The following MDFIC2 variants were observed in gnomAD, a reference collection of about 807,000 sequenced individuals.
MDFIC2 encodes the protein myoD family inhibitor domain-containing protein 2.
At chr3:70,294,416 G>A (rs943925041) in intron 2 of MDFIC2, among the ~76,000 whole-genome samples, 13 of 151,996 alleles carry the variant, frequency 8.6e-5, no homozygotes, top group African/African-American at 2.2e-4. Flanking sequence ...CTGTAGGTAC[G>A]TAGGAGAATA....
chr3:70,214,602 G>A (rs1408301222), intron 2 of MDFIC2, among the ~76,000 whole-genome samples: 1 of 66,756 alleles, frequency 1.5e-5, no homozygotes, highest in Non-Finnish European at 2.8e-5. Flanking sequence ...GGGGGCTGAA[G>A]TGGGCTTTTT....
At chr3:70,257,128 G>A (rs1345303776) in intron 2 of MDFIC2, among the ~76,000 whole-genome samples, 1 of 152,192 alleles carries the variant, frequency 6.6e-6, no homozygotes, top group African/African-American at 2.4e-5. Flanking sequence ...TACTTTTCTA[G>A]AAAATGATTT....
At chr3:70,300,802 C>T (rs561294859) in intron 2 of MDFIC2, among the ~76,000 whole-genome samples, 27 of 152,034 alleles carry the variant, frequency 1.8e-4, no homozygotes, top group Admixed American at 5.9e-4. Context: ...TTTTAATTAA[C>T]GGATGTCAGC....
intron 2 of MDFIC2, among the ~76,000 whole-genome samples, chr3:70,289,751 G>A (rs1485120910): frequency 2.0e-5 from 3 of 152,130 alleles, no homozygotes; most frequent in Non-Finnish European, 2.9e-5. Context: ...TGGAGGGTTT[G>A]CTCGTTTCTT....
rs551195456 is a variant in MDFIC2 at position 70,230,278 on chromosome 3, A to G, written c.89-23488T>C. Reference sequence around the variant, plus strand: ...AACATAGTTTAACACCACCCAATGCAGTTCCCTTCATTCTGTAGACAAACA... The same window carrying G: ...AACATAGTTTAACACCACCCAATGCGGTTCCCTTCATTCTGTAGACAAACA... On this transcript the variant is annotated intron_variant, in intron 2 of 3. Transcript: ENST00000567252. Among the ~76,000 whole-genome samples the G allele has an allele frequency of 5.3e-5, 8 of 152,332 alleles. No homozygotes were observed. In the South Asian group the frequency reaches 1.7e-3, roughly 32 times the overall value.
intron 2 of MDFIC2, among the ~76,000 whole-genome samples, chr3:70,243,662 CA>C (rs1701680781): frequency 6.6e-6 from 1 of 152,170 alleles, no homozygotes. Flanking sequence ...TCGATGCCAG[CA>C]GCACCTTCTC....
At chr3:70,221,071 G>T (rs1701457147) in intron 2 of MDFIC2, among the ~76,000 whole-genome samples, 1 of 152,096 alleles carries the variant, frequency 6.6e-6, no homozygotes, top group Admixed American at 6.6e-5. Flanking sequence ...ACAATAACTA[G>T]CACTGGTGAA....
At chr3:70,234,177 T>C (rs1032616788) in intron 2 of MDFIC2, among the ~76,000 whole-genome samples, 10 of 152,204 alleles carry the variant, frequency 6.6e-5, no homozygotes, top group African/African-American at 1.9e-4. Flanking sequence ...GACTTAGGAT[T>C]GGGTATGAGA....
chr3:70,237,975 G>GTTT, intron 2 of MDFIC2, among the ~76,000 whole-genome samples: 1 of 22,136 alleles, frequency 4.5e-5, no homozygotes, highest in South Asian at 1.2e-3. Context: ...TAATTGAGTG[G>GTTT]TATCTTTTTT....
intron 2 of MDFIC2, among the ~76,000 whole-genome samples, chr3:70,217,763 G>A (rs1352693263): frequency 6.6e-6 from 1 of 152,088 alleles, no homozygotes; most frequent in Admixed American, 6.6e-5. Context: ...AATTAGTGTT[G>A]AAAAATACTT....
chr3:70,214,211 G>A (rs1701382447), intron 2 of MDFIC2, among the ~76,000 whole-genome samples: 1 of 152,022 alleles, frequency 6.6e-6, no homozygotes, highest in Non-Finnish European at 1.5e-5. Context: ...ACATATATTT[G>A]ACATTTTTTC....
intron 2 of MDFIC2, among the ~76,000 whole-genome samples, chr3:70,232,405 T>C (rs1350909557): frequency 1.3e-5 from 1 of 75,414 alleles, no homozygotes; most frequent in Non-Finnish European, 3.3e-5. Flanking sequence ...GATGTTCCTA[T>C]TTTTTTTTTT....
chr3:70,249,164 A>G (rs540861636), intron 2 of MDFIC2: 15 of 152,294 alleles, frequency 9.8e-5, no homozygotes, highest in African/African-American at 3.4e-4. Context: ...ACCAAGTTCT[A>G]CATTAGGAAC....
chr3:70,271,955 GT>G, intron 2 of MDFIC2: 1 of 152,182 alleles, frequency 6.6e-6, no homozygotes, highest in Non-Finnish European at 1.5e-5. Flanking sequence ...TAGAGACAAC[GT>G]TTCATCATGT....
At chr3:70,272,902 G>A (rs889694712) in intron 2 of MDFIC2, among the ~76,000 whole-genome samples, 2 of 152,220 alleles carry the variant, frequency 1.3e-5, no homozygotes, top group Admixed American at 1.3e-4. Flanking sequence ...ATTCTAAGGA[G>A]ACAGCTAGCA....
intron 2 of MDFIC2, among the ~76,000 whole-genome samples, chr3:70,242,266 G>A (rs1481913917): frequency 5.3e-5 from 8 of 152,122 alleles, no homozygotes; most frequent in African/African-American, 1.9e-4. Flanking sequence ...CTAAAATCAA[G>A]TTGGCTCTGA....
At chr3:70,235,111 C>A (rs1251740913) in intron 2 of MDFIC2, among the ~76,000 whole-genome samples, 1 of 152,082 alleles carries the variant, frequency 6.6e-6, no homozygotes, top group Non-Finnish European at 1.5e-5. Flanking sequence ...TTTTTCCAAC[C>A]TCTATTGGAG....
At chr3:70,197,623 T>C (rs1466412207) in intron 3 of MDFIC2, among the ~76,000 whole-genome samples, 3 of 152,208 alleles carry the variant, frequency 2.0e-5, no homozygotes, top group Non-Finnish European at 4.4e-5. Context: ...TTCTTGTCAC[T>C]AGGCTTTGTT....
At chr3:70,217,186 G>T (rs137871221) in intron 2 of MDFIC2, among the ~76,000 whole-genome samples, 1 of 152,076 alleles carries the variant, frequency 6.6e-6, no homozygotes, top group East Asian at 1.9e-4. Context: ...CTGGGAGACC[G>T]TAGGTACTCA....
Sources: allele counts gnomAD v4.1 joint callset (sites outside exome capture counted in the v4.1 genomes callset), GRCh38; gene constraint gnomAD v4.1.1; transcripts MANE v1.5; gene names NCBI Gene and HGNC (gene_info 2026-07-23, HGNC 2026-07-21).